AFF1: variants seen among roughly 807,000 people sequenced by gnomAD.
AFF1 encodes the protein AF4/FMR2 family member 1.
AFF1 carries 48 observed loss-of-function variants against 121.7 expected under a neutral mutation model. That is an observed-to-expected ratio of 0.39 (90% CI 0.31 to 0.50). AFF1 has a LOEUF of 0.50. AFF1 is among the 20% of genes least tolerant of loss of function. The pLI, the probability that AFF1 is intolerant of heterozygous loss-of-function variation, is 0.76. For missense variants in AFF1, 1,523 were observed against 1,511.7 expected (o/e 1.01, Z -0.12); for synonymous variants, 613 against 563.0 (o/e 1.09, Z -1.26).
chr4:87,016,551 C>CAA (rs59972369), intron 2 of AFF1, among the ~76,000 whole-genome samples: 8 of 88,728 alleles, frequency 9.0e-5, no homozygotes, highest in South Asian at 3.5e-4. Context: ...GACTCTGTCT[C>CAA]AAAAAAAAAA....
intron 4 of AFF1, among the ~76,000 whole-genome samples, chr4:87,074,380 A>T (rs1013501253): frequency 1.3e-5 from 2 of 151,992 alleles, no homozygotes; most frequent in South Asian, 2.1e-4. Context: ...AATGGGCTTC[A>T]TGGGGCCTCA....
chr4:87,008,779 G>C (rs1726431235), intron 2 of AFF1, among the ~76,000 whole-genome samples: 1 of 152,054 alleles, frequency 6.6e-6, no homozygotes, highest in South Asian at 2.1e-4. Context: ...TTAAGGAACT[G>C]CTTTATCTTG....
chr4:86,997,401 C>T (rs1052138659), intron 2 of AFF1, among the ~76,000 whole-genome samples: 2 of 152,166 alleles, frequency 1.3e-5, no homozygotes, highest in Non-Finnish European at 2.9e-5. Flanking sequence ...AATAAATTAC[C>T]CAGTTTCAGG....
chr4:87,118,720 C>T (rs921946781), intron 12 of AFF1, among the ~76,000 whole-genome samples: 4 of 152,252 alleles, frequency 2.6e-5, no homozygotes, highest in Admixed American at 2.6e-4. Context: ...TCTGGGCCTC[C>T]AGCAATCCTA....
intron 4 of AFF1, among the ~76,000 whole-genome samples, chr4:87,073,280 C>CAAAAAAAAAAAAAAAAAAAAAA (rs55821662): frequency 2.4e-5 from 2 of 83,672 alleles, no homozygotes; most frequent in African/African-American, 5.2e-5. Context: ...GCATTAAAGC[C>CAAAAAAAAAAAAAAAAAAAAAA]AAAAAAAAAA....
chr4:87,057,009 A>G (rs1720214529), intron 4 of AFF1, among the ~76,000 whole-genome samples: 1 of 152,236 alleles, frequency 6.6e-6, no homozygotes, highest in South Asian at 2.1e-4. Context: ...TCCAGACTCA[A>G]GTAGTCTGGT....
In AFF1 at chr4:87,128,498, C is replaced by T. The variant is rs112542494; in HGVS notation, c.2964+795C>T. Among the ~76,000 whole-genome samples the T allele has an allele frequency of 2.8e-3, 422 of 152,264 alleles. 3 individuals are homozygous for T. Among genetic ancestry groups the T allele is most frequent in the African/African-American group, 9.6e-3 (400 of 41,540 alleles). On this transcript the variant is annotated intron_variant, in intron 16 of 20. Transcript: ENST00000395146. Reference sequence around the variant, plus strand: ...CCCACAAATGCAAAAATGCAAAAACCTCCCTGGAAAGCCATATGTTGAACT... The same window carrying T: ...CCCACAAATGCAAAAATGCAAAAACTTCCCTGGAAAGCCATATGTTGAACT...
intron 4 of AFF1, among the ~76,000 whole-genome samples, chr4:87,056,560 G>GA (rs1299534452): frequency 6.6e-6 from 1 of 152,110 alleles, no homozygotes; most frequent in Non-Finnish European, 1.5e-5. Flanking sequence ...GGGAACTTGT[G>GA]AAAAAATTTT....
In AFF1 at chr4:87,136,742, C is replaced by T; in HGVS notation, c.*1041C>T. 1 of 227,920 alleles carries T rather than the reference C, an allele frequency of 4.4e-6. No individual in the cohort carries two copies. Among genetic ancestry groups the T allele is most frequent in the East Asian group, 6.3e-5 (1 of 15,864 alleles). The allele number at this position is 227,920 out of a possible 1,614,324, so 14.1% of individuals were successfully genotyped here. ...GCCAACTCAGAGTTTCGTCAGTGAA[C>T]AAGAAACATGAAATCTGCTTCTTAG... On this transcript the variant is annotated 3_prime_UTR_variant, in exon 21 of 21. Coordinates refer to ENST00000395146, the MANE Select transcript of AFF1 (RefSeq NM_001166693.3).
intron 2 of AFF1, among the ~76,000 whole-genome samples, chr4:87,004,534 A>G (rs2149524850): frequency 6.6e-6 from 1 of 152,344 alleles, no homozygotes; most frequent in Non-Finnish European, 1.5e-5. Flanking sequence ...GGCTTAATAG[A>G]AGACAGCTAG....
chr4:87,028,010 T>C (rs1728699574), intron 2 of AFF1, among the ~76,000 whole-genome samples: 1 of 151,952 alleles, frequency 6.6e-6, no homozygotes, highest in African/African-American at 2.4e-5. Context: ...AGGAAGTGCT[T>C]ATTGGAGCAT....
chr4:87,039,468 C>G (rs1275944250), intron 2 of AFF1, among the ~76,000 whole-genome samples: 2 of 152,210 alleles, frequency 1.3e-5, no homozygotes, highest in African/African-American at 2.4e-5. Flanking sequence ...TTCATTCAAG[C>G]TCTTGTGCTG....
intron 8 of AFF1, among the ~76,000 whole-genome samples, chr4:87,101,388 T>C (rs1725416868): frequency 6.6e-6 from 1 of 152,076 alleles, no homozygotes; most frequent in Non-Finnish European, 1.5e-5. Flanking sequence ...AGCCTGTGCA[T>C]ATAGTAAGAC....
At chr4:87,068,769 A>G (rs17012348) in intron 4 of AFF1, among the ~76,000 whole-genome samples, 2,271 of 152,296 alleles carry the variant, frequency 0.015, 58 homozygotes, top group African/African-American at 0.052. Flanking sequence ...ATGGCTCAGT[A>G]CAAGGGAAGA....
intron 4 of AFF1, among the ~76,000 whole-genome samples, chr4:87,054,385 C>A (rs954161227): frequency 1.3e-5 from 2 of 152,214 alleles, no homozygotes; most frequent in Non-Finnish European, 2.9e-5. Context: ...GTCAGAGTAG[C>A]CTTGGGAGAA....
intron 4 of AFF1, among the ~76,000 whole-genome samples, chr4:87,068,490 G>C (rs1050242136): frequency 6.6e-6 from 1 of 152,190 alleles, no homozygotes; most frequent in African/African-American, 2.4e-5. Flanking sequence ...CATCAGCCTT[G>C]AAAACAAAGG....
intron 4 of AFF1, among the ~76,000 whole-genome samples, chr4:87,050,027 A>G (rs1731116627): frequency 6.6e-6 from 1 of 152,374 alleles, no homozygotes; most frequent in Non-Finnish European, 1.5e-5. Context: ...CTTGAATTTT[A>G]TATTTCAAAT....
intron 4 of AFF1, among the ~76,000 whole-genome samples, chr4:87,051,415 C>CTT (rs5860052): frequency 5.6e-5 from 8 of 141,726 alleles, no homozygotes; most frequent in African/African-American, 1.6e-4. Flanking sequence ...TTTCCTTTTT[C>CTT]TTTTTTTTTT....
chr4:87,125,973 G>A lies in AFF1; in HGVS notation c.2574-126G>A, dbSNP rs1728198054. ...TCAAAAAGTCCCTGAAATTTGGCCTGTTTACACAGTTTCATGCTTTGTGAT... is the reference window on the plus strand; with the variant it reads ...TCAAAAAGTCCCTGAAATTTGGCCTATTTACACAGTTTCATGCTTTGTGAT... On this transcript the variant is annotated intron_variant, in intron 13 of 20. Coordinates refer to ENST00000395146, the MANE Select transcript of AFF1 (RefSeq NM_001166693.3). 7.1e-6 allele frequency: 7 copies of A among 979,984 alleles called. No individual in the cohort carries two copies. The South Asian group carries it at 1.1e-4, about 15-fold the overall frequency. 60.7% of individuals were successfully genotyped at this position (979,984 alleles called of 1,614,324 possible).
Sources: gnomAD v4.1 joint callset for allele counts (sites outside exome capture counted in the v4.1 genomes callset) on GRCh38, gnomAD v4.1.1 for gene constraint, MANE v1.5 for transcripts, NCBI Gene and HGNC (gene_info 2026-07-23, HGNC 2026-07-21) for gene names.